Variants in MINDY2 observed in about 807,000 individuals in gnomAD.
The protein encoded by MINDY2 is ubiquitin carboxyl-terminal hydrolase MINDY-2.
MINDY2 carries 52 observed loss-of-function variants against 68.2 expected under a neutral mutation model. The ratio of observed to expected loss-of-function variants is 0.76; its 90% CI spans 0.61 to 0.96. The LOEUF (loss-of-function observed/expected upper bound fraction) is 0.96. MINDY2 is among the 40% of genes least tolerant of loss of function. The pLI is 0.00. For missense variants in MINDY2, 881 were observed against 773.4 expected (o/e 1.14, Z -1.65); for synonymous variants, 372 against 303.0 (o/e 1.23, Z -2.36).
intron 6 of MINDY2, among the ~76,000 whole-genome samples, chr15:58,841,961 A>G (rs1233612785): frequency 6.6e-6 from 1 of 152,042 alleles, no homozygotes; most frequent in Non-Finnish European, 1.5e-5. Context: ...CTAATTCTAT[A>G]TCCTAGATCT....
intron 7 of MINDY2, among the ~76,000 whole-genome samples, chr15:58,851,034 C>A (rs1248471736): frequency 6.6e-6 from 1 of 151,328 alleles, no homozygotes; most frequent in East Asian, 2.0e-4. Context: ...AGCGCAGTGG[C>A]GTGATCTCAG....
intron 2 of MINDY2, among the ~76,000 whole-genome samples, chr15:58,795,891 G>A (rs1902250795): frequency 6.6e-6 from 1 of 152,088 alleles, no homozygotes; most frequent in South Asian, 2.1e-4. Flanking sequence ...TGAAGAAGTA[G>A]CTGGTAAGAT....
intron 4 of MINDY2, among the ~76,000 whole-genome samples, chr15:58,820,915 C>T (rs1285825392): frequency 6.6e-6 from 1 of 151,060 alleles, no homozygotes; most frequent in African/African-American, 2.4e-5. Context: ...ATATAACTTA[C>T]TTATACAGCA....
intron 2 of MINDY2, among the ~76,000 whole-genome samples, chr15:58,789,104 G>A (rs1383294916): frequency 2.1e-4 from 32 of 152,250 alleles, no homozygotes; most frequent in African/African-American, 7.2e-4. Flanking sequence ...TTGGGAGGCC[G>A]AGGCGGGCCG....
intron 2 of MINDY2, 56 bp from the exon 3 acceptor site, chr15:58,802,257 A>T: frequency 8.7e-7 from 1 of 1,152,808 alleles, no homozygotes; most frequent in East Asian, 2.4e-5. Context: ...TACTTTTGTA[A>T]TCAGAAAAAC....
chr15:58,839,381 G>A (rs2032169442), intron 6 of MINDY2, among the ~76,000 whole-genome samples: 1 of 151,850 alleles, frequency 6.6e-6, no homozygotes, highest in Admixed American at 6.6e-5. Context: ...GTCCAGGCTG[G>A]AGTGCAGTGG....
intron 4 of MINDY2, among the ~76,000 whole-genome samples, chr15:58,814,019 C>A (rs1327194136): frequency 6.6e-6 from 1 of 151,278 alleles, no homozygotes; most frequent in African/African-American, 2.4e-5. Context: ...CTCAGTGCAG[C>A]CTCCTGCTCC....
At chr15:58,821,460 G>A (rs2031056101) in intron 4 of MINDY2, among the ~76,000 whole-genome samples, 1 of 151,804 alleles carries the variant, frequency 6.6e-6, no homozygotes, top group Non-Finnish European at 1.5e-5. Context: ...AAATAAAGTT[G>A]CATGTAATAA....
intron 3 of MINDY2, among the ~76,000 whole-genome samples, chr15:58,803,890 C>T (rs927501173): frequency 2.1e-5 from 3 of 139,846 alleles, no homozygotes; most frequent in South Asian, 2.2e-4. Context: ...AGGCGGATCA[C>T]GAGGTCAGGA....
At chr15:58,840,862 T>G (rs1209371465) in intron 6 of MINDY2, among the ~76,000 whole-genome samples, 6 of 143,344 alleles carry the variant, frequency 4.2e-5, no homozygotes, top group East Asian at 2.0e-4. Flanking sequence ...TAGAGATGGG[T>G]TTTCACCGTG....
At chr15:58,823,112 T>G (rs1185056351) in intron 5 of MINDY2, among the ~76,000 whole-genome samples, 1 of 151,474 alleles carries the variant, frequency 6.6e-6, no homozygotes, top group Non-Finnish European at 1.5e-5. Flanking sequence ...GTATTTTAGT[T>G]AAGGTTTATC....
chr15:58,794,530 A>G (rs1054257268), intron 2 of MINDY2, among the ~76,000 whole-genome samples: 1 of 152,048 alleles, frequency 6.6e-6, no homozygotes, highest in Non-Finnish European at 1.5e-5. Flanking sequence ...GCTAAGAATA[A>G]AGGGGATTGG....
At chr15:58,803,980 T>C (rs1484262012) in intron 3 of MINDY2, among the ~76,000 whole-genome samples, 1 of 142,666 alleles carries the variant, frequency 7.0e-6, no homozygotes, top group Non-Finnish European at 1.5e-5. Flanking sequence ...TACAAAAAAT[T>C]AGCCAGGCGT....
chr15:58,821,937 T>A (rs1425021276), intron 5 of MINDY2, 118 bp downstream of exon 5: 16 of 634,682 alleles, frequency 2.5e-5, no homozygotes, highest in Non-Finnish European at 4.0e-5. Flanking sequence ...GTTATATTAC[T>A]TGTATGAATT....
intron 4 of MINDY2, among the ~76,000 whole-genome samples, chr15:58,821,009 A>G (rs1215291463): frequency 2.0e-5 from 3 of 151,214 alleles, no homozygotes; most frequent in Non-Finnish European, 4.4e-5. Context: ...GACAGTAGAA[A>G]CCTCTTTTTC....
At chr15:58,825,743 C>A (rs940231962) in intron 5 of MINDY2, among the ~76,000 whole-genome samples, 2 of 152,038 alleles carry the variant, frequency 1.3e-5, no homozygotes, top group Non-Finnish European at 2.9e-5. Context: ...GTAGCTGGGA[C>A]TACAGGCTCA....
chr15:58,829,225 T>G (rs2031585429), intron 5 of MINDY2, among the ~76,000 whole-genome samples: 1 of 152,220 alleles, frequency 6.6e-6, no homozygotes, highest in Non-Finnish European at 1.5e-5. Flanking sequence ...GTTAGCCTTT[T>G]CCACTAAAAC....
chr15:58,839,487 A>G (rs2141038663), intron 6 of MINDY2, among the ~76,000 whole-genome samples: 1 of 152,204 alleles, frequency 6.6e-6, no homozygotes. Context: ...GCCTGCCACC[A>G]CATCCAGCTA....
chr15:58,780,561 G>A (rs183227060), intron 1 of MINDY2, among the ~76,000 whole-genome samples: 1 of 152,304 alleles, frequency 6.6e-6, no homozygotes, highest in East Asian at 1.9e-4. Context: ...TAGGTCTGGG[G>A]CAAAACAGGG....
Sources: allele counts gnomAD v4.1 joint callset (sites outside exome capture counted in the v4.1 genomes callset), GRCh38; gene constraint gnomAD v4.1.1; transcripts MANE v1.5; gene names NCBI Gene and HGNC (gene_info 2026-07-23, HGNC 2026-07-21).